Variants in PPP2R2B observed in about 807,000 individuals in gnomAD.
The protein encoded by PPP2R2B is protein phosphatase 2 regulatory subunit Bbeta.
PPP2R2B carries 5 observed loss-of-function variants against 46.0 expected under a neutral mutation model. The observed-to-expected ratio is 0.11, with a 90% confidence interval of 0.06 to 0.23. The LOEUF (loss-of-function observed/expected upper bound fraction) is 0.23. PPP2R2B is among the 10% of genes least tolerant of loss of function. PPP2R2B has a pLI of 1.00. For synonymous variants in PPP2R2B, 215 were observed against 206.7 expected, an observed-to-expected ratio of 1.04 and a Z score of -0.34; for missense variants, 367 against 575.0, an observed-to-expected ratio of 0.64 and a Z score of 3.70.
intron 2 of PPP2R2B, among the ~76,000 whole-genome samples, chr5:146,737,367 G>A (rs1371749394): frequency 6.6e-6 from 1 of 152,172 alleles, no homozygotes; most frequent in African/African-American, 2.4e-5. Flanking sequence ...AGAAAACATC[G>A]TTGGCTCCAC....
intron 2 of PPP2R2B, among the ~76,000 whole-genome samples, chr5:146,757,624 G>A (rs1753917097): frequency 6.6e-6 from 1 of 152,122 alleles, no homozygotes; most frequent in South Asian, 2.1e-4. Context: ...AGGACATAGG[G>A]GTCTTCCCTG....
intron 1 of PPP2R2B, among the ~76,000 whole-genome samples, chr5:146,999,233 T>TA (rs1311053188): frequency 6.6e-6 from 1 of 152,054 alleles, no homozygotes; most frequent in Admixed American, 6.6e-5. Context: ...TACAGTAGAA[T>TA]AAAGATATTG....
chr5:146,787,995 ACTGT>A (rs1755950556), intron 2 of PPP2R2B, among the ~76,000 whole-genome samples: 1 of 152,170 alleles, frequency 6.6e-6, no homozygotes, highest in Non-Finnish European at 1.5e-5. Context: ...TGAGTGACAA[ACTGT>A]CTTTCTCATG....
chr5:146,635,143 T>C (rs949201175), intron 7 of PPP2R2B, among the ~76,000 whole-genome samples: 16 of 152,180 alleles, frequency 1.1e-4, no homozygotes, highest in Non-Finnish European at 2.2e-4. Context: ...GATGCTGTCC[T>C]TAATATTTCT....
intron 1 of PPP2R2B, among the ~76,000 whole-genome samples, chr5:146,901,363 G>A (rs1011364799): frequency 1.3e-5 from 2 of 152,024 alleles, no homozygotes; most frequent in Admixed American, 6.6e-5. Context: ...AAATTAGCCA[G>A]GTGTTGTGAC....
At chr5:147,011,869 T>C (rs4395679) in intron 1 of PPP2R2B, among the ~76,000 whole-genome samples, 53,659 of 76,200 alleles carry the variant, frequency 0.7, 20,588 homozygotes, top group African/African-American at 0.84. Context: ...TGTTTATATG[T>C]TGGATTACAT....
chr5:146,950,563 C>T (rs1014004366), intron 1 of PPP2R2B, among the ~76,000 whole-genome samples: 3 of 151,998 alleles, frequency 2.0e-5, no homozygotes, highest in African/African-American at 7.2e-5. Context: ...CAAGGCCAAA[C>T]ATCAGTACTT....
intron 2 of PPP2R2B, among the ~76,000 whole-genome samples, chr5:146,868,741 T>C (rs1582314118): frequency 6.6e-6 from 1 of 152,366 alleles, no homozygotes; most frequent in East Asian, 1.9e-4. Flanking sequence ...TTCAGAAGAA[T>C]ATTTTTTAGA....
In PPP2R2B at chr5:146,698,138, T is replaced by A. The variant is rs554953457; in HGVS notation, c.175A>T (p.Asn59Tyr). The A allele has an allele frequency of 6.3e-7, 1 of 1,591,966 alleles. No homozygotes were observed. Among genetic ancestry groups the A allele is most frequent in the African/African-American group, 1.4e-5 (1 of 72,786 alleles). ...VIFQREQESK[N>Y]QVHRRGEYNV... The stretch of plus-strand genomic sequence containing the variant: ...TATTCACCCCTACGATGAACCTGAT[T>A]TTTACTCTGTAGGAAAGGAAAAAAA... Residue 59 changes from asparagine (N) to tyrosine (Y), a missense_variant, in exon 4 of 10, where the codon AAT becomes TAT. Coordinates refer to ENST00000394411, the MANE Select transcript of PPP2R2B (RefSeq NM_181675.4).
chr5:146,946,417 T>C (rs114000925), intron 1 of PPP2R2B, among the ~76,000 whole-genome samples: 1,703 of 152,188 alleles, frequency 0.011, 27 homozygotes, highest in African/African-American at 0.039. Context: ...GGGTGTAAGT[T>C]AGAGTCTTTC....
intron 6 of PPP2R2B, among the ~76,000 whole-genome samples, chr5:146,641,293 G>A (rs925063107): frequency 2.6e-5 from 4 of 152,128 alleles, no homozygotes; most frequent in African/African-American, 7.2e-5. Context: ...TCCAGAGCCC[G>A]GGTTCTTTCT....
At chr5:146,787,995 A>G (rs2151290802) in intron 2 of PPP2R2B, among the ~76,000 whole-genome samples, 1 of 152,288 alleles carries the variant, frequency 6.6e-6, no homozygotes, top group South Asian at 2.1e-4. Flanking sequence ...TGAGTGACAA[A>G]CTGTCTTTCT....
intron 1 of PPP2R2B, among the ~76,000 whole-genome samples, chr5:146,974,239 C>T (rs1752790652): frequency 6.6e-6 from 1 of 152,184 alleles, no homozygotes; most frequent in Non-Finnish European, 1.5e-5. Context: ...CACACTACTA[C>T]TAATGAACTA....
At chr5:146,728,954 G>A (rs570595627) in intron 2 of PPP2R2B, among the ~76,000 whole-genome samples, 2 of 152,232 alleles carry the variant, frequency 1.3e-5, no homozygotes, top group African/African-American at 2.4e-5. Context: ...GGAGTGGGGT[G>A]TTGCTGAAGA....
chr5:146,878,506 G>A lies in PPP2R2B; in HGVS notation c.-125+85C>T. ...TGCAAAAAAGATCCCTCCTCCCCCTGGGAGAGCGGGCAGCCGCGACAAAAT... is the reference window on the plus strand; with the variant it reads ...TGCAAAAAAGATCCCTCCTCCCCCTAGGAGAGCGGGCAGCCGCGACAAAAT... On this transcript the variant is annotated intron_variant, in intron 1 of 9. Coordinates refer to ENST00000394411, the MANE Select transcript of PPP2R2B (RefSeq NM_181675.4). The surrounding 1 kb of genome is among the most constrained non-coding windows in gnomAD (Gnocchi z 4.5). 7.7e-7 allele frequency: 1 copy of A among 1,305,438 alleles called. No homozygotes were observed. The highest frequency in any genetic ancestry group is 3.4e-5 in the Admixed American group (1 of 29,658). 80.9% of individuals were successfully genotyped at this position (1,305,438 alleles called of 1,614,324 possible). A position where few individuals can be genotyped will look rare whatever the true frequency, so the allele number is the denominator to read the frequency against.
chr5:146,740,573 T>TCACACACACACACACA (rs3995489), intron 2 of PPP2R2B, among the ~76,000 whole-genome samples: 1 of 138,014 alleles, frequency 7.2e-6, no homozygotes, highest in South Asian at 2.6e-4. Flanking sequence ...TAAAATGAGA[T>TCACACACACACACACA]CACACACACA....
At chr5:146,783,580 A>C (rs1262994040) in intron 2 of PPP2R2B, among the ~76,000 whole-genome samples, 1 of 152,198 alleles carries the variant, frequency 6.6e-6, no homozygotes, top group Non-Finnish European at 1.5e-5. Context: ...TGCTATTTTA[A>C]AAAATAATTA....
intron 1 of PPP2R2B, among the ~76,000 whole-genome samples, chr5:147,038,179 A>G (rs920735924): frequency 2.0e-5 from 3 of 152,204 alleles, no homozygotes; most frequent in African/African-American, 7.2e-5. Flanking sequence ...TTATTTGAAC[A>G]CTATCAGAGG....
rs112342262 is a variant in PPP2R2B, at chr5:146,708,356, CA to C, written c.71-7215del. Among the ~76,000 whole-genome samples, 232 of 109,928 alleles carry C rather than the reference CA, an allele frequency of 2.1e-3. 1 individual carries two copies. Among genetic ancestry groups the C allele is most frequent in the African/African-American group, 3.9e-3 (118 of 30,582 alleles). The allele number at this position is 109,928 out of a possible 152,430, so 72.1% of individuals were successfully genotyped here. On this transcript the variant is annotated intron_variant, in intron 2 of 9. Transcript: ENST00000394411. ...TGGGCGACAGAGCCAGACTTGGTCT[CA>C]AAAAAAAAAAAAACACTGTATATCT... is the stretch of plus-strand genomic sequence containing the variant.
Sources: allele counts gnomAD v4.1 joint callset (sites outside exome capture counted in the v4.1 genomes callset), GRCh38; gene constraint gnomAD v4.1.1; non-coding constraint Gnocchi (gnomAD v3.1); transcripts MANE v1.5; gene names NCBI Gene and HGNC (gene_info 2026-07-23, HGNC 2026-07-21).